RNASET2: variants seen among roughly 807,000 people sequenced by gnomAD.
RNASET2 encodes ribonuclease T2.
A neutral mutation model predicts 33.9 loss-of-function variants in RNASET2; 28 were observed. That is an observed-to-expected ratio of 0.83 (90% CI 0.61 to 1.13). The LOEUF (loss-of-function observed/expected upper bound fraction) is 1.13. Ranked by LOEUF, RNASET2 falls within the 50% of genes most tolerant of loss-of-function variation. RNASET2 has a pLI of 0.00. For synonymous variants in RNASET2, 123 were observed against 121.0 expected, an observed-to-expected ratio of 1.02 and a Z score of -0.11; for missense variants, 330 against 319.9, an observed-to-expected ratio of 1.03 and a Z score of -0.24.
chr6:166,952,308 C>T (rs1009600729), intron 2 of RNASET2, among the ~76,000 whole-genome samples, 180 bp downstream of exon 2: 6 of 152,232 alleles, frequency 3.9e-5, no homozygotes, highest in Non-Finnish European at 7.3e-5. Context: ...TTACAGCAGC[C>T]CTGGGAAGCT....
chr6:166,941,404 T>C (rs569814681), intron 5 of RNASET2, among the ~76,000 whole-genome samples: 1 of 152,370 alleles, frequency 6.6e-6, no homozygotes, highest in African/African-American at 2.4e-5. Context: ...CTCTTTCACA[T>C]AACTCAGTTA....
intron 4 of RNASET2, among the ~76,000 whole-genome samples, chr6:166,945,614 T>A (rs1489594107): frequency 6.6e-6 from 1 of 152,114 alleles, no homozygotes; most frequent in Non-Finnish European, 1.5e-5. Context: ...GTGGATCACC[T>A]GAGGTCAGGA....
chr6:166,936,626 C>G (rs1348769159), intron 6 of RNASET2, among the ~76,000 whole-genome samples: 1 of 152,142 alleles, frequency 6.6e-6, no homozygotes, highest in Non-Finnish European at 1.5e-5. Context: ...ACAACCAGCT[C>G]TCTGGGGAAC....
chr6:166,946,442 C>T (rs936025167), intron 4 of RNASET2, among the ~76,000 whole-genome samples: 2 of 152,212 alleles, frequency 1.3e-5, no homozygotes, highest in African/African-American at 4.8e-5. Flanking sequence ...GCCCCTCGCT[C>T]AGGCCCCTCA....
intron 4 of RNASET2, among the ~76,000 whole-genome samples, chr6:166,946,346 G>A (rs1185446795): frequency 6.7e-6 from 1 of 150,092 alleles, no homozygotes; most frequent in African/African-American, 2.5e-5. Context: ...AAGTCCTGGG[G>A]CCTGGGACGA....
Position 166,929,661 on chromosome 6 carries a change from G to A in RNASET2, c.698C>T (p.Ala233Val). ...ACAGACTCTCAGACCCCGGCTCTCG[G>A]CGGCCCCATTTGCCAGCCAGACTTC... ...KQEVWLANGA[A>V]ESRGLRVCED... The change falls in exon 9 of 9, where the codon GCC (alanine) becomes GTC (valine). Residue 233 changes from alanine to valine, a missense_variant. Physicochemically the swap from Ala to Val is moderately conservative, Grantham distance 64. Coordinates refer to ENST00000508775, the MANE Select transcript of RNASET2 (RefSeq NM_003730.6). 6.2e-7 allele frequency: 1 copy of A among 1,614,132 alleles called. No individual in the cohort carries two copies. The highest frequency in any genetic ancestry group is 1.1e-5 in the South Asian group (1 of 91,068).
chr6:166,936,597 C>T (rs183889722), intron 6 of RNASET2, among the ~76,000 whole-genome samples: 12 of 152,164 alleles, frequency 7.9e-5, no homozygotes, highest in Admixed American at 3.9e-4. Flanking sequence ...GGGTTGGGGG[C>T]GGTGCCAGGC....
At position 166,928,747 on chromosome 6, in the gene RNASET2, G is replaced by A. The variant is rs1441692447; in HGVS notation, c.*841C>T. Among the ~76,000 whole-genome samples the A allele has an allele frequency of 6.6e-6, 1 of 152,202 alleles. No homozygotes were observed. Among genetic ancestry groups the A allele is most frequent in the East Asian group, 1.9e-4 (1 of 5,182 alleles). ...GAAATCCCTGCACGGCAGGCCGAGA[G>A]CGTGGGTGCAGCAGTCTGCCTGACG... On this transcript the variant is annotated 3_prime_UTR_variant, in exon 9 of 9. Coordinates refer to ENST00000508775, the MANE Select transcript of RNASET2 (RefSeq NM_003730.6).
intron 3 of RNASET2, chr6:166,948,266 A>G (rs1778895949): frequency 2.4e-6 from 1 of 418,956 alleles, no homozygotes; most frequent in Admixed American, 3.5e-5. Context: ...GAATCACTTG[A>G]ACCTGGGAGG....
chr6:166,947,896 A>T (rs1212593187), intron 3 of RNASET2, among the ~76,000 whole-genome samples: 1 of 152,236 alleles, frequency 6.6e-6, no homozygotes, highest in African/African-American at 2.4e-5. Context: ...AGACAAAACC[A>T]GAATAATAAA....
rs536613563 is a variant in RNASET2 at position 166,952,421 on chromosome 6, C to T, written c.147+67G>A. 3.8e-5 allele frequency: 54 copies of T among 1,406,400 alleles called. 1 individual carries two copies. Among genetic ancestry groups the T allele is most frequent in the Middle Eastern group, 3.6e-4 (2 of 5,628 alleles). 87.1% of individuals were successfully genotyped at this position (1,406,400 alleles called of 1,614,324 possible). A position where few individuals can be genotyped will look rare whatever the true frequency, so the allele number is the denominator to read the frequency against. ...GCAGCGTGGGTGCCCTGGACGGGCACGTGCACACAAACCCCTCTTCACAGG... is the reference window on the plus strand; with the variant it reads ...GCAGCGTGGGTGCCCTGGACGGGCATGTGCACACAAACCCCTCTTCACAGG... On this transcript the variant is annotated intron_variant, in intron 2 of 8. Transcript: ENST00000508775.
At position 166,956,143 on chromosome 6, in the gene RNASET2, G is replaced by A. The variant is rs1404148222; in HGVS notation, c.40C>T (p.Leu14Phe). ...CCCAGGCAAAGCAACGCCAGGCAGA[G>A]GCAGCCCAGCAGGGCCCCGCGCAGG... ...AALRGALLGC[L>F]CLALLCLGGA... Residue 14 changes from leucine (L) to phenylalanine (F), a missense_variant, in exon 1 of 9, where the codon CTC (leucine) becomes TTC (phenylalanine). Transcript: ENST00000508775. The A allele has an allele frequency of 1.3e-6, 2 of 1,551,318 alleles. No homozygotes were observed. The highest frequency in any genetic ancestry group is 1.2e-5 in the South Asian group (1 of 84,084).
intron 5 of RNASET2, among the ~76,000 whole-genome samples, chr6:166,941,159 C>T (rs1423733853): frequency 6.6e-6 from 1 of 152,168 alleles, no homozygotes; most frequent in Non-Finnish European, 1.5e-5. Context: ...TTATCTTTTT[C>T]ATTTAGAACC....
At chr6:166,939,119 A>G in intron 5 of RNASET2, 111 bp from the exon 6 acceptor site, 1 of 799,588 alleles carries the variant, frequency 1.3e-6, no homozygotes, top group East Asian at 2.5e-5. Flanking sequence ...GGATCACCTG[A>G]GATCAGGAGT....
At position 166,956,443 on chromosome 6, in the gene RNASET2, G is replaced by T. The variant is rs1415028133; in HGVS notation, c.-261C>A. On this transcript the variant is annotated 5_prime_UTR_variant, in exon 1 of 9. Coordinates refer to ENST00000508775, the MANE Select transcript of RNASET2 (RefSeq NM_003730.6). Reference sequence around the variant, plus strand: ...CCCCTCGGAGCTCCCCTTCAGGATCGTGCACCAAGCGCGCACGTCCCGGGC... The same window carrying T: ...CCCCTCGGAGCTCCCCTTCAGGATCTTGCACCAAGCGCGCACGTCCCGGGC... 6 of 525,350 alleles carry T rather than the reference G, an allele frequency of 1.1e-5. No homozygotes were observed. The East Asian group carries it at 2.1e-4, about 18-fold the overall frequency. The allele number at this position is 525,350 out of a possible 1,614,324, so 32.5% of individuals were successfully genotyped here. A position where few individuals can be genotyped will look rare whatever the true frequency, so the allele number is the denominator to read the frequency against.
At position 166,922,744 on chromosome 6, in the gene RNASET2, C is replaced by T. The variant is rs762794490; in HGVS notation, c.*6844G>A. On this transcript the variant is annotated 3_prime_UTR_variant, in exon 9 of 9. Transcript: ENST00000508775. Reference sequence around the variant, plus strand: ...ATTCAGGTTAAATATTTTCAAAACACCTACTATGCTCAAGTAGCTGTGTTC... The same window carrying T: ...ATTCAGGTTAAATATTTTCAAAACATCTACTATGCTCAAGTAGCTGTGTTC... Among the ~76,000 whole-genome samples, 2 of 152,184 alleles carry T rather than the reference C, an allele frequency of 1.3e-5. No homozygotes were observed. Among genetic ancestry groups the T allele is most frequent in the Non-Finnish European group, 2.9e-5 (2 of 68,038 alleles).
At chr6:166,955,722 T>G in intron 1 of RNASET2, 1 of 1,112,838 alleles carries the variant, frequency 9.0e-7, no homozygotes. Context: ...CCGGGGAGTG[T>G]TCAGGGCTCC....
At chr6:166,937,597 T>C (rs1562496517) in intron 6 of RNASET2, among the ~76,000 whole-genome samples, 1 of 152,112 alleles carries the variant, frequency 6.6e-6, no homozygotes, top group Non-Finnish European at 1.5e-5. Flanking sequence ...CAAATCAAAG[T>C]GTATAGGTCT....
Position 166,929,355 on chromosome 6 carries a change from A to T in RNASET2, c.*233T>A, listed in dbSNP as rs1224253860. 1 of 586,190 alleles carries T rather than the reference A, an allele frequency of 1.7e-6. No homozygotes were observed. Among genetic ancestry groups the T allele is most frequent in the African/African-American group, 1.9e-5 (1 of 53,324 alleles). The allele number at this position is 586,190 out of a possible 1,614,324, so 36.3% of individuals were successfully genotyped here. On this transcript the variant is annotated 3_prime_UTR_variant, in exon 9 of 9. Coordinates refer to ENST00000508775, the MANE Select transcript of RNASET2 (RefSeq NM_003730.6). ...GAAGAGTTTAATAGAGAAAAAAAAA[A>T]ACAATCTGTGAGCTTTATCCCAAGC... is the stretch of plus-strand genomic sequence containing the variant.
Sources: allele counts gnomAD v4.1 joint callset (sites outside exome capture counted in the v4.1 genomes callset), GRCh38; gene constraint gnomAD v4.1.1; transcripts MANE v1.5; gene names NCBI Gene and HGNC (gene_info 2026-07-23, HGNC 2026-07-21).